EDA: variants seen among roughly 807,000 people sequenced by gnomAD.
EDA encodes the protein ectodysplasin A.
Under a neutral mutation model 23.6 loss-of-function variants are expected in EDA, and 2 were observed. That is an observed-to-expected ratio of 0.08 (90% CI 0.03 to 0.27). The LOEUF is 0.27. EDA is among the 10% of genes least tolerant of loss of function. The probability of loss-of-function intolerance (pLI) is 1.00; values close to 1 mark genes in which losing one functional copy is unlikely to be tolerated. For missense variants in EDA, 229 were observed against 324.2 expected (o/e 0.71, Z 2.26); for synonymous variants, 131 against 132.0 (o/e 0.99, Z 0.05).
chrX:69,976,760 CA>C (rs748124435), intron 2 of EDA, among the ~76,000 whole-genome samples: 15 of 98,468 alleles, frequency 1.5e-4, no homozygotes, highest in Admixed American at 1.5e-3. Context: ...GTAGCTGTGA[CA>C]GGGGGAGGGG....
At chrX:69,700,778 G>A (rs2011513279) in intron 1 of EDA, among the ~76,000 whole-genome samples, 1 of 111,137 alleles carries the variant, frequency 9.0e-6, no homozygotes, top group Admixed American at 9.6e-5. Flanking sequence ...TGGGGAATAA[G>A]GAAAGGTTGC....
intron 1 of EDA, among the ~76,000 whole-genome samples, chrX:69,943,494 C>T (rs1225001258): frequency 9.0e-6 from 1 of 111,386 alleles, no homozygotes; most frequent in African/African-American, 3.3e-5. Context: ...TACAGAGACT[C>T]TTGCTCTCTT....
intron 1 of EDA, among the ~76,000 whole-genome samples, chrX:69,877,591 C>T (rs1233735493): frequency 9.0e-6 from 1 of 110,534 alleles, no homozygotes; most frequent in Non-Finnish European, 1.9e-5. Flanking sequence ...CTTTATAAGA[C>T]ATGTGATTTG....
At chrX:69,764,993 C>T (rs2014427806) in intron 1 of EDA, among the ~76,000 whole-genome samples, 2 of 112,099 alleles carry the variant, frequency 1.8e-5, no homozygotes, top group Non-Finnish European at 3.8e-5. Context: ...CACCGCCTAA[C>T]AATCAGAGAT....
chrX:69,695,612 C>T (rs936858243), intron 1 of EDA, among the ~76,000 whole-genome samples: 1 of 104,536 alleles, frequency 9.6e-6, no homozygotes, highest in Non-Finnish European at 2.0e-5. Flanking sequence ...CAGGTTCAAG[C>T]GATTCTCCTG....
At chrX:69,812,640 A>G (rs1470729645) in intron 1 of EDA, among the ~76,000 whole-genome samples, 2 of 111,880 alleles carry the variant, frequency 1.8e-5, no homozygotes, top group African/African-American at 6.5e-5. Context: ...TGATACAGTA[A>G]TTGTCATGAT....
chrX:69,714,861 A>G lies in EDA; in HGVS notation c.396+98157A>G, dbSNP rs952961311. On this transcript the variant is annotated intron_variant, in intron 1 of 7. Transcript: ENST00000374552. ...TTTTTCTCTTTTCCAGGGTTGTTCT[A>G]CCTATTCTGGGGCCTGTGCCTTTCC... 6.4e-4 allele frequency among the ~76,000 whole-genome samples: 70 copies of G among 109,952 alleles called. No individual in the cohort carries two copies. In the Middle Eastern group the frequency reaches 0.014, roughly 22 times the overall value.
chrX:69,927,508 C>T (rs2018538530), intron 1 of EDA, among the ~76,000 whole-genome samples: 1 of 111,716 alleles, frequency 9.0e-6, no homozygotes, highest in Non-Finnish European at 1.9e-5. Context: ...AGAGTTTCTG[C>T]TGAGATGTCC....
intron 1 of EDA, among the ~76,000 whole-genome samples, chrX:69,853,981 T>A (rs777815198): frequency 2.7e-5 from 3 of 111,819 alleles, no homozygotes; most frequent in Non-Finnish European, 5.6e-5. Flanking sequence ...CTTACCCTAA[T>A]CTGTGAGATA....
At chrX:69,673,230 T>C (rs1386358773) in intron 1 of EDA, among the ~76,000 whole-genome samples, 4 of 111,046 alleles carry the variant, frequency 3.6e-5, no homozygotes, top group Non-Finnish European at 7.6e-5. Flanking sequence ...GTGAAGAAAA[T>C]TTTGATTAAT....
rs192601775 is a variant in EDA at position 70,036,548 on chromosome X, A to G, written c.*939A>G. The G allele has an allele frequency of 8.9e-6, 1 of 112,765 alleles. No individual in the cohort carries two copies. The highest frequency in any genetic ancestry group is 2.8e-4 in the East Asian group (1 of 3,569). The allele number at this position is 112,765 out of a possible 1,213,427, so 9.3% of individuals were successfully genotyped here. A position where few individuals can be genotyped will look rare whatever the true frequency, so the allele number is the denominator to read the frequency against. On this transcript the variant is annotated 3_prime_UTR_variant, in exon 8 of 8. Transcript: ENST00000374552. The stretch of plus-strand genomic sequence containing the variant: ...TACCTGGGCACAAACAGAATTTTCC[A>G]TTTATTAAGCAGTACAAATGTTTTT...
intron 1 of EDA, among the ~76,000 whole-genome samples, chrX:69,867,908 G>C (rs903183859): frequency 6.3e-5 from 7 of 111,824 alleles, no homozygotes; most frequent in African/African-American, 2.3e-4. Context: ...TGCTGTGCAT[G>C]ACCCACTTTA....
At chrX:69,852,093 C>T (rs1488384657) in intron 1 of EDA, among the ~76,000 whole-genome samples, 1 of 111,912 alleles carries the variant, frequency 8.9e-6, no homozygotes, top group African/African-American at 3.2e-5. Flanking sequence ...TCTTTGTGTG[C>T]CCTCCTTCAC....
At chrX:69,955,627 A>T (rs892622474) in intron 1 of EDA, among the ~76,000 whole-genome samples, 11 of 111,940 alleles carry the variant, frequency 9.8e-5, no homozygotes, top group African/African-American at 3.6e-4. Context: ...GTTCTATTTT[A>T]GGCCCCAAAT....
chrX:69,698,148 CT>C (rs1016086976), intron 1 of EDA, among the ~76,000 whole-genome samples: 3 of 111,967 alleles, frequency 2.7e-5, no homozygotes, highest in Non-Finnish European at 5.6e-5. Context: ...GCCATTTGTC[CT>C]TTTGCCATCT....
intron 1 of EDA, among the ~76,000 whole-genome samples, chrX:69,850,459 C>A (rs1309251557): frequency 8.9e-6 from 1 of 112,208 alleles, no homozygotes; most frequent in Non-Finnish European, 1.9e-5. Flanking sequence ...CTTTCTCCAA[C>A]TCATTTAATC....
intron 1 of EDA, among the ~76,000 whole-genome samples, chrX:69,887,496 A>C (rs1030795344): frequency 2.0e-4 from 22 of 111,689 alleles, no homozygotes; most frequent in African/African-American, 5.5e-4. Context: ...ACTTGAAGAG[A>C]GAAAAGGAAA....
At chrX:69,633,620 T>G (rs2147220961) in intron 1 of EDA, among the ~76,000 whole-genome samples, 1 of 112,716 alleles carries the variant, frequency 8.9e-6, no homozygotes, top group South Asian at 3.7e-4. Flanking sequence ...TATGTGGCTT[T>G]ATGTGTCTGG....
intron 2 of EDA, among the ~76,000 whole-genome samples, chrX:69,999,250 A>G (rs1257128289): frequency 8.9e-6 from 1 of 111,939 alleles, no homozygotes; most frequent in South Asian, 3.7e-4. Flanking sequence ...TAACCATATT[A>G]TTTTTAATGA....
Sources: allele counts gnomAD v4.1 joint callset (sites outside exome capture counted in the v4.1 genomes callset), GRCh38; gene constraint gnomAD v4.1.1; transcripts MANE v1.5; gene names NCBI Gene and HGNC (gene_info 2026-07-23, HGNC 2026-07-21).